The following GNB4 variants were observed in gnomAD, a reference collection of about 807,000 sequenced individuals.
The protein encoded by GNB4 is G protein subunit beta 4.
GNB4 carries 28 observed loss-of-function variants against 45.2 expected under a neutral mutation model. The ratio of observed to expected loss-of-function variants is 0.62; its 90% confidence interval spans 0.46 to 0.85. The LOEUF is 0.85. GNB4 is among the 40% of genes least tolerant of loss of function. The probability of loss-of-function intolerance (pLI) is 0.00; values close to 1 mark genes in which losing one functional copy is unlikely to be tolerated. For missense variants in GNB4, 321 were observed against 425.4 expected, an observed-to-expected ratio of 0.75 and a Z score of 2.16; for synonymous variants, 132 against 143.7, an observed-to-expected ratio of 0.92 and a Z score of 0.58.
chr3:179,480,172 A>G, the GNB4 span, among the ~76,000 whole-genome samples: 689 of 152,384 alleles, frequency 4.5e-3, 6 homozygotes, highest in African/African-American at 0.016. Flanking sequence ...GCCAGATGAC[A>G]GTGCCATGCT....
At position 179,406,766 on chromosome 3, in the gene GNB4, C is replaced by T. The variant is rs182820590; in HGVS notation, c.700-1360G>A. 1.8e-3 allele frequency among the ~76,000 whole-genome samples: 280 copies of T among 152,184 alleles called. 2 individuals carry two copies. Among genetic ancestry groups the T allele is most frequent in the African/African-American group, 6.3e-3 (263 of 41,504 alleles). On this transcript the variant is annotated intron_variant, in intron 8 of 9. Coordinates refer to ENST00000232564, the MANE Select transcript of GNB4 (RefSeq NM_021629.4). The stretch of plus-strand genomic sequence containing the variant: ...TAGCTGGGATTACAGGCATGCACCA[C>T]AACGCCTGGCTAATTTTTTTGCATT...
chr3:179,498,101 T>C, the GNB4 span, among the ~76,000 whole-genome samples: 1 of 152,254 alleles, frequency 6.6e-6, no homozygotes, highest in African/African-American at 2.4e-5. Context: ...CCCATGTTCG[T>C]TGCAGCTTTA....
chr3:179,488,984 CAAAAAAAAAAAAAAAAAAAAAAA>C, the GNB4 span, among the ~76,000 whole-genome samples: 1 of 18,698 alleles, frequency 5.3e-5, no homozygotes, highest in Non-Finnish European at 8.9e-5. Context: ...ATCCTGTATC[CAAAAAAAAAAAAAAAAAAAAAAA>C]AAAAAAAAAA....
At chr3:179,527,467 A>C in the GNB4 span, among the ~76,000 whole-genome samples, 1 of 152,256 alleles carries the variant, frequency 6.6e-6, no homozygotes, top group African/African-American at 2.4e-5. Flanking sequence ...ATATTTATTT[A>C]GCAATTTTAC....
chr3:179,460,445 A>G, the GNB4 span, among the ~76,000 whole-genome samples: 1 of 152,200 alleles, frequency 6.6e-6, no homozygotes, highest in African/African-American at 2.4e-5. Flanking sequence ...CTCTGCAAGG[A>G]GGTTCCTCTT....
Position 179,400,297 on chromosome 3 carries a change from C to G in GNB4, c.*916G>C, listed in dbSNP as rs1714253439. The G allele has an allele frequency of 6.6e-6, 1 of 152,216 alleles. No homozygotes were observed. The highest frequency in any genetic ancestry group is 2.4e-5 in the African/African-American group (1 of 41,454). The allele number at this position is 152,216 out of a possible 1,614,324, so 9.4% of individuals were successfully genotyped here. ...GTAACACTGTCACATTGCATTTCCT[C>G]TCTAGATGTATACTGATAGCACTGG... is the stretch of plus-strand genomic sequence containing the variant. On this transcript the variant is annotated 3_prime_UTR_variant, in exon 10 of 10. Transcript: ENST00000232564.
At chr3:179,477,628 T>C in the GNB4 span, among the ~76,000 whole-genome samples, 2 of 152,298 alleles carry the variant, frequency 1.3e-5, no homozygotes, top group Admixed American at 1.3e-4. Context: ...TCCCAGCATT[T>C]TGGGAGGCCA....
the GNB4 span, among the ~76,000 whole-genome samples, chr3:179,476,744 C>T: frequency 6.6e-6 from 1 of 152,216 alleles, no homozygotes; most frequent in Non-Finnish European, 1.5e-5. Context: ...GTAAATACCA[C>T]CAAAGTGTTT....
At chr3:179,470,669 C>T in the GNB4 span, among the ~76,000 whole-genome samples, 14 of 151,870 alleles carry the variant, frequency 9.2e-5, no homozygotes, top group African/African-American at 3.4e-4. Context: ...CTCAACCTCC[C>T]AAGTAGCTGG....
chr3:179,512,148 C>T, the GNB4 span, among the ~76,000 whole-genome samples: 5 of 152,148 alleles, frequency 3.3e-5, no homozygotes, highest in Non-Finnish European at 7.4e-5. Context: ...CTCTCCACAT[C>T]TTTATTTTGG....
chr3:179,431,596 A>G (rs1715312329), intron 1 of GNB4, among the ~76,000 whole-genome samples: 1 of 151,822 alleles, frequency 6.6e-6, no homozygotes, highest in Admixed American at 6.6e-5. Flanking sequence ...TGTCCTACAC[A>G]ATGTACCCCA....
chr3:179,480,343 A>C, the GNB4 span, among the ~76,000 whole-genome samples: 1 of 152,240 alleles, frequency 6.6e-6, no homozygotes, highest in Non-Finnish European at 1.5e-5. Flanking sequence ...TTAAAGGCAT[A>C]AGATACATCT....
chr3:179,434,743 G>A (rs980239343), intron 1 of GNB4, among the ~76,000 whole-genome samples: 1 of 150,240 alleles, frequency 6.7e-6, no homozygotes, highest in African/African-American at 2.4e-5. Context: ...AAAGAAAGAA[G>A]AAAAAAAGAA....
chr3:179,430,620 A>ATT lies in GNB4; in HGVS notation c.-42-4380_-42-4379dup, dbSNP rs34316813. On this transcript the variant is annotated intron_variant, in intron 1 of 9. Coordinates refer to ENST00000232564, the MANE Select transcript of GNB4 (RefSeq NM_021629.4). ...AGGCATGCATTATCATGCCTGGCTAATTTTTTTTTTTTTTTTTTGAGAAAT... is the reference window on the plus strand; with the variant it reads ...AGGCATGCATTATCATGCCTGGCTAATTTTTTTTTTTTTTTTTTTTGAGAAAT... 2.5e-3 allele frequency among the ~76,000 whole-genome samples: 346 copies of ATT among 135,776 alleles called. 3 individuals carry two copies. Among genetic ancestry groups the ATT allele is most frequent in the African/African-American group, 9.0e-3 (326 of 36,266 alleles). The allele number at this position is 135,776 out of a possible 152,430, so 89.1% of individuals were successfully genotyped here.
At chr3:179,518,759 A>G in the GNB4 span, among the ~76,000 whole-genome samples, 1 of 151,600 alleles carries the variant, frequency 6.6e-6, no homozygotes, top group Non-Finnish European at 1.5e-5. Context: ...CATCAAATAT[A>G]AAAAACCAGC....
At chr3:179,427,695 T>C (rs750664409) in intron 1 of GNB4, among the ~76,000 whole-genome samples, 1 of 151,192 alleles carries the variant, frequency 6.6e-6, no homozygotes, top group Non-Finnish European at 1.5e-5. Flanking sequence ...TCACTTAAGA[T>C]ACTTTGGTCT....
intron 1 of GNB4, among the ~76,000 whole-genome samples, chr3:179,442,694 T>C (rs1361977516): frequency 6.6e-6 from 1 of 152,024 alleles, no homozygotes; most frequent in Non-Finnish European, 1.5e-5. Flanking sequence ...CTGCCATCCT[T>C]GCTCACCACT....
chr3:179,508,443 A>T, the GNB4 span, among the ~76,000 whole-genome samples: 1 of 152,240 alleles, frequency 6.6e-6, no homozygotes, highest in Non-Finnish European at 1.5e-5. Flanking sequence ...CAAGCGCTGT[A>T]CAAGATGCTG....
chr3:179,522,130 A>G, the GNB4 span, among the ~76,000 whole-genome samples: 1 of 152,184 alleles, frequency 6.6e-6, no homozygotes, highest in Non-Finnish European at 1.5e-5. Context: ...TGTGACCTGC[A>G]TGTACACATC....
Sources: gnomAD v4.1 joint callset for allele counts (sites outside exome capture counted in the v4.1 genomes callset) on GRCh38, gnomAD v4.1.1 for gene constraint, MANE v1.5 for transcripts, NCBI Gene and HGNC (gene_info 2026-07-23, HGNC 2026-07-21) for gene names.